The following UTP18 variants were observed in gnomAD, a reference collection of about 807,000 sequenced individuals.
The protein encoded by UTP18 is U3 small nucleolar RNA-associated protein 18 homolog.
In UTP18, 36 loss-of-function variants were observed where a neutral mutation model predicts 61.1. That is an observed-to-expected ratio of 0.59 (90% CI 0.45 to 0.78). The LOEUF (loss-of-function observed/expected upper bound fraction) is 0.78, where lower values mean the gene tolerates loss of function less well. UTP18 is among the 30% of genes least tolerant of loss of function. The pLI, the probability that UTP18 is intolerant of heterozygous loss-of-function variation, is 0.00. For missense variants in UTP18, 753 were observed against 693.9 expected (o/e 1.09, Z -0.96); for synonymous variants, 282 against 251.1 (o/e 1.12, Z -1.16).
chr17:51,292,584 G>A (rs1270112767), intron 11 of UTP18, among the ~76,000 whole-genome samples: 2 of 152,252 alleles, frequency 1.3e-5, no homozygotes, highest in East Asian at 1.9e-4. Context: ...TGACCTAGAA[G>A]TGTGGAGGAT....
chr17:51,275,191 C>A, intron 5 of UTP18, among the ~76,000 whole-genome samples: 1 of 137,844 alleles, frequency 7.3e-6, no homozygotes. Context: ...GAGTGAAACC[C>A]AGTCTCAAAA....
intron 12 of UTP18, among the ~76,000 whole-genome samples, chr17:51,294,493 T>G (rs1253089463): frequency 6.6e-6 from 1 of 152,092 alleles, no homozygotes; most frequent in African/African-American, 2.4e-5. Context: ...AATGATGGTT[T>G]CCAGTTTCAT....
In UTP18 at chr17:51,263,278, A is replaced by G; in HGVS notation, c.347A>G (p.Gln116Arg). ...AGGGTGTTTTGTCTGCTGTAGGTTC[A>G]AGAACATGAAGACTCGGGTGACTCA... ...LLRRLRGPRV[Q>R]EHEDSGDSEV... The change falls in exon 2 of 14, where the codon CAA (glutamine) becomes CGA (arginine). Residue 116 changes from glutamine (Q) to arginine (R), a missense_variant. Gln to Arg is a conservative substitution (Grantham distance 43). Coordinates refer to ENST00000225298, the MANE Select transcript of UTP18 (RefSeq NM_016001.3). 2.2e-5 allele frequency: 36 copies of G among 1,614,126 alleles called. No homozygotes were observed. The highest frequency in any genetic ancestry group is 1.6e-4 in the Middle Eastern group (1 of 6,062).
At chr17:51,262,327 G>A (rs1435563222) in intron 1 of UTP18, among the ~76,000 whole-genome samples, 2 of 151,884 alleles carry the variant, frequency 1.3e-5, no homozygotes, top group Non-Finnish European at 2.9e-5. Flanking sequence ...CTCGTGATCC[G>A]CCCGCCTCGG....
chr17:51,290,162 TC>T (rs57683372), intron 11 of UTP18, among the ~76,000 whole-genome samples: 22,066 of 152,144 alleles, frequency 0.15, 2,992 homozygotes, highest in African/African-American at 0.36. Context: ...AGACCTGTAA[TC>T]CCGGCACTTT....
intron 11 of UTP18, chr17:51,288,693 C>T (rs1158622531): frequency 2.3e-6 from 1 of 443,416 alleles, no homozygotes; most frequent in Non-Finnish European, 4.5e-6. Context: ...CGCAGGACCA[C>T]CTCCAGGTTT....
Position 51,285,327 on chromosome 17 carries a change from A to C in UTP18, c.1287A>C (p.Leu429Phe), listed in dbSNP as rs1285766725. Residue 429 changes from leucine to phenylalanine, a missense_variant, in exon 10 of 14, where the codon TTA becomes TTC. By Grantham distance (22) the Leu-to-Phe change is conservative (BLOSUM62 0). Coordinates refer to ENST00000225298, the MANE Select transcript of UTP18 (RefSeq NM_016001.3). ...RFVDEGSLYG[L>F]SIATSRNGQY... ...TTGATGAAGGCAGTTTATATGGATT[A>C]AGCATTGCCACATCTAGGAATGGAC... The C allele has an allele frequency of 1.2e-6, 2 of 1,613,996 alleles. No homozygotes were observed. The highest frequency in any genetic ancestry group is 3.3e-5 in the Admixed American group (2 of 60,022).
At chr17:51,288,581 G>A (rs981662478) in intron 11 of UTP18, 3 of 457,162 alleles carry the variant, frequency 6.6e-6, no homozygotes, top group Admixed American at 4.7e-5. Flanking sequence ...GGCAATTCTC[G>A]GGTTTTGAAA....
At chr17:51,294,102 T>C in intron 12 of UTP18, 57 bp downstream of exon 12, 1 of 1,414,360 alleles carries the variant, frequency 7.1e-7, no homozygotes, top group Non-Finnish European at 9.4e-7. Context: ...TCTGACAGTA[T>C]GAAGAGATAC....
At chr17:51,264,985 G>A (rs1408436684) in intron 2 of UTP18, among the ~76,000 whole-genome samples, 4 of 151,906 alleles carry the variant, frequency 2.6e-5, no homozygotes, top group Non-Finnish European at 5.9e-5. Context: ...ACCTGGCCTC[G>A]TTTCTTATAA....
At chr17:51,267,167 T>C (rs755617734) in intron 3 of UTP18, among the ~76,000 whole-genome samples, 1 of 152,218 alleles carries the variant, frequency 6.6e-6, no homozygotes, top group Non-Finnish European at 1.5e-5. Context: ...TTTTTCGCCA[T>C]GTCGCCCAGG....
intron 1 of UTP18, among the ~76,000 whole-genome samples, 164 bp downstream of exon 1, chr17:51,261,090 C>A (rs1163564074): frequency 2.0e-5 from 3 of 152,324 alleles, no homozygotes; most frequent in Non-Finnish European, 4.4e-5. Context: ...GCGGGTCCCT[C>A]GCCTCCCTGC....
chr17:51,264,171 T>TGA (rs1472444933), intron 2 of UTP18, among the ~76,000 whole-genome samples: 1 of 151,574 alleles, frequency 6.6e-6, no homozygotes, highest in Non-Finnish European at 1.5e-5. Flanking sequence ...CGAGTAGCTG[T>TGA]GACTACAGGC....
At chr17:51,293,483 T>C (rs77796392) in intron 11 of UTP18, among the ~76,000 whole-genome samples, 5,138 of 142,648 alleles carry the variant, frequency 0.036, 306 homozygotes, top group African/African-American at 0.13. Flanking sequence ...TTGTAAACTT[T>C]CTTAAAACAT....
chr17:51,267,126 C>G (rs1272224427), intron 3 of UTP18, among the ~76,000 whole-genome samples: 2 of 152,160 alleles, frequency 1.3e-5, no homozygotes, highest in Non-Finnish European at 2.9e-5. Context: ...CCATGCCCAG[C>G]TAATTTTTGT....
chr17:51,281,162 A>AT (rs112607605), intron 9 of UTP18, among the ~76,000 whole-genome samples: 6,894 of 99,916 alleles, frequency 0.069, 195 homozygotes, highest in East Asian at 0.12. Context: ...ATATATATAT[A>AT]TATTTTTTTT....
intron 9 of UTP18, among the ~76,000 whole-genome samples, chr17:51,284,920 G>A (rs1407653340): frequency 1.3e-5 from 2 of 152,012 alleles, no homozygotes; most frequent in African/African-American, 2.4e-5. Context: ...AATTAACTAC[G>A]CATGGTGGCA....
intron 3 of UTP18, among the ~76,000 whole-genome samples, 170 bp downstream of exon 3, chr17:51,266,450 C>G (rs1442734056): frequency 6.6e-6 from 1 of 152,030 alleles, no homozygotes; most frequent in Non-Finnish European, 1.5e-5. Context: ...GGACAAAACA[C>G]AGACACAAAG....
chr17:51,276,085 A>T, intron 6 of UTP18, 94 bp downstream of exon 6: 1 of 1,264,614 alleles, frequency 7.9e-7, no homozygotes, highest in Non-Finnish European at 1.1e-6. Context: ...ACTGAAAAAG[A>T]TATTCATAGC....
Sources: allele counts gnomAD v4.1 joint callset (sites outside exome capture counted in the v4.1 genomes callset), GRCh38; gene constraint gnomAD v4.1.1; transcripts MANE v1.5; gene names NCBI Gene and HGNC (gene_info 2026-07-23, HGNC 2026-07-21).